Variants in TPH2 observed in about 807,000 individuals in gnomAD.
TPH2 encodes the protein tryptophan 5-hydroxylase 2.
In TPH2, 27 loss-of-function variants were observed where a neutral mutation model predicts 59.1. That is an observed-to-expected ratio of 0.46 (90% confidence interval 0.34 to 0.63). The LOEUF is 0.63. Ranked by LOEUF, TPH2 falls within the 30% of genes least tolerant of loss-of-function variation. The pLI, the probability that TPH2 is intolerant of heterozygous loss-of-function variation, is 0.01. For missense variants in TPH2, 523 were observed against 588.3 expected (o/e 0.89, Z 1.15); for synonymous variants, 220 against 210.5 (o/e 1.05, Z -0.39).
chr12:72,019,771 A>G (rs1175121389), intron 8 of TPH2, among the ~76,000 whole-genome samples: 2 of 152,170 alleles, frequency 1.3e-5, no homozygotes, highest in East Asian at 3.9e-4. Context: ...AGAGTCTGGC[A>G]TGTAATAGTT....
chr12:71,957,379 C>G (rs909450135), intron 5 of TPH2, among the ~76,000 whole-genome samples: 6 of 146,450 alleles, frequency 4.1e-5, no homozygotes, highest in Admixed American at 3.4e-4. Flanking sequence ...TCTGGTCACC[C>G]AGGCTGGAGT....
At chr12:71,982,256 C>T (rs781421443) in intron 7 of TPH2, among the ~76,000 whole-genome samples, 10 of 151,616 alleles carry the variant, frequency 6.6e-5, no homozygotes, top group African/African-American at 2.2e-4. Context: ...CCATCTGCCT[C>T]GACCTCCTAA....
chr12:71,957,327 A>ATTTTTTTTT lies in TPH2; in HGVS notation c.608+7688_608+7696dup, dbSNP rs35425528. Among the ~76,000 whole-genome samples, 27 of 95,598 alleles carry ATTTTTTTTT rather than the reference A, an allele frequency of 2.8e-4. 2 individuals carry two copies. The South Asian group carries it at 3.6e-3, about 13-fold the overall frequency. 62.7% of individuals were successfully genotyped at this position (95,598 alleles called of 152,430 possible). ...TAGGCTCATTTAAAATGAGTAAAGG[A>ATTTTTTTTT]TTTTTTTTTTTTTTTTTTTTTTTTG... On this transcript the variant is annotated intron_variant, in intron 5 of 10. Transcript: ENST00000333850.
At chr12:71,953,859 G>A (rs562173979) in intron 5 of TPH2, among the ~76,000 whole-genome samples, 1 of 152,306 alleles carries the variant, frequency 6.6e-6, no homozygotes, top group South Asian at 2.1e-4. Context: ...AGTCAAACAT[G>A]TGGTCAGAAA....
chr12:71,961,546 A>T, intron 5 of TPH2: 1 of 1,351,724 alleles, frequency 7.4e-7, no homozygotes, highest in Non-Finnish European at 9.8e-7. Context: ...GTGAATCTTC[A>T]TTCTAGTGGC....
intron 7 of TPH2, among the ~76,000 whole-genome samples, chr12:71,993,167 T>C (rs1872618601): frequency 1.3e-5 from 2 of 152,210 alleles, no homozygotes; most frequent in South Asian, 2.1e-4. Flanking sequence ...GATTTTTTGA[T>C]TGAGTGATTG....
chr12:71,940,646 T>A (rs1490426655), intron 1 of TPH2, among the ~76,000 whole-genome samples: 1 of 152,180 alleles, frequency 6.6e-6, no homozygotes, highest in African/African-American at 2.4e-5. Flanking sequence ...AATGAAAGTT[T>A]CCAGCTTGTT....
At chr12:71,995,535 T>A (rs1872673331) in intron 8 of TPH2, among the ~76,000 whole-genome samples, 1 of 152,220 alleles carries the variant, frequency 6.6e-6, no homozygotes, top group African/African-American at 2.4e-5. Context: ...TTTCAGTACA[T>A]CTTTTGTTTC....
chr12:71,990,414 G>A (rs1237661851), intron 7 of TPH2, among the ~76,000 whole-genome samples: 1 of 152,190 alleles, frequency 6.6e-6, no homozygotes, highest in African/African-American at 2.4e-5. Flanking sequence ...AGAAGGCTTT[G>A]CAGTTTGCAT....
intron 5 of TPH2, 134 bp downstream of exon 5, chr12:71,949,789 C>G (rs191876834): frequency 1.4e-6 from 1 of 721,408 alleles, no homozygotes; most frequent in East Asian, 2.8e-5. Context: ...CTCACCAACT[C>G]TGTAGGCTTT....
At chr12:72,025,429 C>T (rs1014924840) in intron 9 of TPH2, among the ~76,000 whole-genome samples, 1 of 152,156 alleles carries the variant, frequency 6.6e-6, no homozygotes, top group South Asian at 2.1e-4. Context: ...TTTCCTGAGA[C>T]ATAGATGTTG....
intron 5 of TPH2, chr12:71,962,706 A>T (rs879574277): frequency 1.1e-5 from 11 of 970,242 alleles, no homozygotes; most frequent in Non-Finnish European, 1.3e-5. Context: ...CTCACTTAAC[A>T]AATATTATTT....
At chr12:72,001,934 G>A (rs1388815058) in intron 8 of TPH2, among the ~76,000 whole-genome samples, 1 of 152,050 alleles carries the variant, frequency 6.6e-6, no homozygotes, top group Non-Finnish European at 1.5e-5. Flanking sequence ...GGAATTGTTG[G>A]TCAAAGGGTA....
intron 7 of TPH2, among the ~76,000 whole-genome samples, chr12:71,981,087 A>G (rs900298392): frequency 2.6e-5 from 4 of 152,204 alleles, no homozygotes; most frequent in African/African-American, 9.7e-5. Context: ...CAGAGAACGT[A>G]TAACCTGTGT....
At chr12:72,012,011 G>A (rs1303167018) in intron 8 of TPH2, among the ~76,000 whole-genome samples, 1 of 152,236 alleles carries the variant, frequency 6.6e-6, no homozygotes, top group Non-Finnish European at 1.5e-5. Context: ...GCTGAGGTTA[G>A]TAATGACTCA....
At chr12:71,962,286 T>C (rs922709900) in intron 5 of TPH2, 3 of 985,368 alleles carry the variant, frequency 3.0e-6, no homozygotes, top group Non-Finnish European at 3.6e-6. Flanking sequence ...ATCATTGTGC[T>C]CTGTAGCCTT....
intron 8 of TPH2, among the ~76,000 whole-genome samples, chr12:71,997,485 A>G (rs754785793): frequency 1.2e-4 from 19 of 152,174 alleles, no homozygotes; most frequent in Admixed American, 2.6e-4. Context: ...TAGGCCAACA[A>G]ATTTGTAGGA....
intron 5 of TPH2, chr12:71,964,779 A>AT (rs572013740): frequency 8.0e-4 from 749 of 941,814 alleles, no homozygotes; most frequent in Non-Finnish European, 8.3e-4. Flanking sequence ...GTGATGATGA[A>AT]TTTTTTTTTT....
At chr12:71,979,723 A>T (rs939206796) in intron 7 of TPH2, among the ~76,000 whole-genome samples, 3 of 152,218 alleles carry the variant, frequency 2.0e-5, no homozygotes, top group Admixed American at 2.0e-4. Context: ...TACTGCTCTG[A>T]CATGGGTAAG....
Sources: gnomAD v4.1 joint callset for allele counts (sites outside exome capture counted in the v4.1 genomes callset) on GRCh38, gnomAD v4.1.1 for gene constraint, MANE v1.5 for transcripts, NCBI Gene and HGNC (gene_info 2026-07-23, HGNC 2026-07-21) for gene names.